The following TMTC2 variants were observed in gnomAD, a reference collection of about 807,000 sequenced individuals.
TMTC2 encodes transmembrane O-mannosyltransferase targeting cadherins 2, also known as protein O-mannosyl-transferase TMTC2.
Under a neutral mutation model 82.4 loss-of-function variants are expected in TMTC2, and 43 were observed. The ratio of observed to expected loss-of-function variants is 0.52; its 90% CI spans 0.41 to 0.67. TMTC2 has a LOEUF of 0.67. Ranked by LOEUF, TMTC2 falls within the 30% of genes least tolerant of loss-of-function variation. The pLI, the probability that TMTC2 is intolerant of heterozygous loss-of-function variation, is 0.00. For synonymous variants in TMTC2, 408 were observed against 381.9 expected, an observed-to-expected ratio of 1.07 and a Z score of -0.80; for missense variants, 919 against 1,012.4, an observed-to-expected ratio of 0.91 and a Z score of 1.25.
At chr12:82,857,840 C>G (rs552796758) in intron 2 of TMTC2, among the ~76,000 whole-genome samples, 16 of 152,248 alleles carry the variant, frequency 1.1e-4, no homozygotes, top group Non-Finnish European at 1.8e-4. Context: ...AAAGAATATG[C>G]ACCTTTATTA....
intron 11 of TMTC2, among the ~76,000 whole-genome samples, chr12:83,120,168 A>T (rs930180467): frequency 3.9e-5 from 6 of 152,174 alleles, no homozygotes; most frequent in Non-Finnish European, 8.8e-5. Flanking sequence ...CATTTCATTC[A>T]TCGTGCTATT....
chr12:83,040,920 G>A (rs189362287), intron 9 of TMTC2, among the ~76,000 whole-genome samples: 5 of 152,036 alleles, frequency 3.3e-5, no homozygotes, highest in Non-Finnish European at 7.4e-5. Flanking sequence ...TCTTGACCTC[G>A]TGATCTGCCT....
chr12:83,095,945 G>A (rs1884014461), intron 11 of TMTC2, among the ~76,000 whole-genome samples: 1 of 151,998 alleles, frequency 6.6e-6, no homozygotes, highest in African/African-American at 2.4e-5. Context: ...AGAACTTGTA[G>A]TTTCTTACTA....
At chr12:83,007,288 T>C (rs1325692352) in intron 8 of TMTC2, among the ~76,000 whole-genome samples, 1 of 152,192 alleles carries the variant, frequency 6.6e-6, no homozygotes, top group African/African-American at 2.4e-5. Flanking sequence ...GGTAGGTTGT[T>C]GATATGAGCT....
intron 9 of TMTC2, among the ~76,000 whole-genome samples, chr12:83,037,968 G>A (rs1881729267): frequency 6.6e-6 from 1 of 152,016 alleles, no homozygotes; most frequent in Non-Finnish European, 1.5e-5. Flanking sequence ...AAGAACAAGA[G>A]ATAGGAACAA....
chr12:82,896,818 A>G (rs1191227321), intron 3 of TMTC2, among the ~76,000 whole-genome samples, 172 bp downstream of exon 3: 1 of 152,160 alleles, frequency 6.6e-6, no homozygotes, highest in Non-Finnish European at 1.5e-5. Context: ...ACCAATTTAG[A>G]GACATATCCA....
At chr12:82,822,303 T>A (rs1869161883) in intron 1 of TMTC2, among the ~76,000 whole-genome samples, 1 of 152,128 alleles carries the variant, frequency 6.6e-6, no homozygotes, top group Non-Finnish European at 1.5e-5. Flanking sequence ...TGGACTTTTG[T>A]GTAATAATGA....
chr12:82,964,221 T>C (rs1878085785), intron 4 of TMTC2, among the ~76,000 whole-genome samples: 1 of 151,934 alleles, frequency 6.6e-6, no homozygotes, highest in African/African-American at 2.4e-5. Flanking sequence ...CTGTGCGAGC[T>C]TTTTGAACTT....
intron 11 of TMTC2, among the ~76,000 whole-genome samples, chr12:83,092,542 A>G (rs557228977): frequency 2.6e-4 from 40 of 152,322 alleles, no homozygotes; most frequent in South Asian, 1.7e-3. Context: ...CCATGTACCC[A>G]GAAAGAAAAG....
intron 9 of TMTC2, among the ~76,000 whole-genome samples, chr12:83,033,591 A>G (rs1165467701): frequency 6.6e-6 from 1 of 152,020 alleles, no homozygotes; most frequent in East Asian, 1.9e-4. Context: ...TCTCTACTAA[A>G]AATACAAAAA....
At position 82,896,187 on chromosome 12, in the gene TMTC2, G is replaced by A; in HGVS notation, c.1024G>A (p.Val342Ile). ...AGACAGAGAATGCAATGGGAAAACT[G>A]TAACAAATGGCAAGCAGAATGCAAA... Reference protein sequence around the residue: ...SVDRECNGKTVTNGKQNANGH... With the variant: ...SVDRECNGKTITNGKQNANGH... Residue 342 changes from valine to isoleucine, a missense_variant, in exon 3 of 12, where the codon GTA (valine) becomes ATA (isoleucine). Physicochemically the swap from Val to Ile is conservative, Grantham distance 29. Transcript: ENST00000321196. The A allele has an allele frequency of 6.2e-7, 1 of 1,613,978 alleles. No homozygotes were observed. Among genetic ancestry groups the A allele is most frequent in the East Asian group, 2.2e-5 (1 of 44,872 alleles).
At chr12:83,070,314 A>G (rs1407173316) in intron 11 of TMTC2, among the ~76,000 whole-genome samples, 6 of 152,196 alleles carry the variant, frequency 3.9e-5, no homozygotes, top group Non-Finnish European at 5.9e-5. Flanking sequence ...CTACCCATCC[A>G]TGAGCATGGA....
At chr12:82,739,145 CT>C (rs1304098421) in intron 1 of TMTC2, among the ~76,000 whole-genome samples, 2 of 44,944 alleles carry the variant, frequency 4.4e-5, no homozygotes, top group African/African-American at 1.3e-4. Flanking sequence ...GAGACTCTGT[CT>C]TAAAAAAAAA....
At chr12:82,955,540 A>G (rs925030849) in intron 4 of TMTC2, among the ~76,000 whole-genome samples, 5 of 152,206 alleles carry the variant, frequency 3.3e-5, no homozygotes, top group Admixed American at 1.3e-4. Flanking sequence ...AGGGAAAAGA[A>G]ATACTACACA....
At chr12:82,797,385 T>TG (rs1878773429) in intron 1 of TMTC2, among the ~76,000 whole-genome samples, 1 of 152,206 alleles carries the variant, frequency 6.6e-6, no homozygotes, top group South Asian at 2.1e-4. Context: ...GGACAATCAC[T>TG]GTTATGTACT....
intron 1 of TMTC2, among the ~76,000 whole-genome samples, chr12:82,697,240 A>C (rs1369422712): frequency 1.4e-5 from 2 of 147,150 alleles, no homozygotes; most frequent in African/African-American, 5.0e-5. Flanking sequence ...GCTACTCAGG[A>C]GGCTGAGGCA....
chr12:82,793,117 C>T (rs1429244501), intron 1 of TMTC2, among the ~76,000 whole-genome samples: 2 of 152,094 alleles, frequency 1.3e-5, no homozygotes, highest in Non-Finnish European at 2.9e-5. Flanking sequence ...GATAGTATGG[C>T]TAATTATTCA....
At chr12:82,808,557 C>A (rs10778913) in intron 1 of TMTC2, among the ~76,000 whole-genome samples, 1 of 151,710 alleles carries the variant, frequency 6.6e-6, no homozygotes, top group African/African-American at 2.4e-5. Context: ...AATTATAAAC[C>A]CTTACTCCTT....
chr12:83,057,129 C>T (rs866967691), intron 10 of TMTC2, among the ~76,000 whole-genome samples: 1 of 151,726 alleles, frequency 6.6e-6, no homozygotes, highest in Non-Finnish European at 1.5e-5. Flanking sequence ...TTGACATTGC[C>T]GATACACATA....
Sources: allele counts gnomAD v4.1 joint callset (sites outside exome capture counted in the v4.1 genomes callset), GRCh38; gene constraint gnomAD v4.1.1; transcripts MANE v1.5; gene names NCBI Gene and HGNC (gene_info 2026-07-23, HGNC 2026-07-21).